ADRA2B: variants seen among roughly 807,000 people sequenced by gnomAD.
The protein encoded by ADRA2B is adrenoceptor alpha 2B, also known as alpha-2B adrenergic receptor.
Under a neutral mutation model 14.4 loss-of-function variants are expected in ADRA2B, and 14 were observed. The ratio of observed to expected loss-of-function variants is 0.97; its 90% confidence interval spans 0.64 to 1.52. The LOEUF (loss-of-function observed/expected upper bound fraction) is 1.52, where lower values mean the gene tolerates loss of function less well. ADRA2B is among the 40% of genes most tolerant of loss of function. The pLI, the probability that ADRA2B is intolerant of heterozygous loss-of-function variation, is 0.00. For synonymous variants in ADRA2B, 250 were observed against 263.7 expected (o/e 0.95, Z 0.50); for missense variants, 606 against 603.2 (o/e 1.00, Z -0.05).
chr2:96,114,869 G>A lies in ADRA2B; in HGVS notation c.1281C>T (p.Thr427=). The A allele has an allele frequency of 6.2e-7, 1 of 1,613,996 alleles. No individual in the cohort carries two copies. The highest frequency in any genetic ancestry group is 8.5e-7 in the Non-Finnish European group (1 of 1,179,982). The change falls in exon 1 of 1, where the codon ACC becomes ACT. Residue 427 remains threonine (T), a synonymous_variant. Coordinates refer to ENST00000620793, the MANE Select transcript of ADRA2B (RefSeq NM_000682.7). ...CNSSLNPVIY[T]IFNQDFRRAF... is the part of the protein sequence containing the mutation. ...CACGGCGGAAGTCCTGGTTGAAGAT[G>A]GTGTAGATAACAGGGTTCAGTGAGC...
chr2:96,114,922 A>T lies in ADRA2B; in HGVS notation c.1228T>A (p.Phe410Ile). Residue 410 changes from phenylalanine to isoleucine, a missense_variant, in exon 1 of 1, where the codon TTC becomes ATC. Physicochemically the swap from Phe to Ile is conservative, Grantham distance 21. Coordinates refer to ENST00000620793, the MANE Select transcript of ADRA2B (RefSeq NM_000682.7). ...TTGCAGTAGCCGATCCAGAAGAAGA[A>T]CTGGAAGAGGCCATGGGGCACCTTG... is the stretch of plus-strand genomic sequence containing the variant. ...HCKVPHGLFQ[F>I]FFWIGYCNSS... The T allele has an allele frequency of 2.5e-6, 4 of 1,613,982 alleles. No homozygotes were observed. Among genetic ancestry groups the T allele is most frequent in the Non-Finnish European group, 3.4e-6 (4 of 1,179,938 alleles).
At position 96,115,077 on chromosome 2, in the gene ADRA2B, C is replaced by G. The variant is rs200889434; in HGVS notation, c.1073G>C (p.Arg358Pro). The G allele has an allele frequency of 1.9e-6, 3 of 1,612,886 alleles. No individual in the cohort carries two copies. In the South Asian group the frequency reaches 3.3e-5, roughly 18 times the overall value. ...CTCCCGGGTCAGCTGCGCCCGTCGACGCCACCACTGCCCACCTATAGCACC... is the reference window on the plus strand; with the variant it reads ...CTCCCGGGTCAGCTGCGCCCGTCGAGGCCACCACTGCCCACCTATAGCACC... ...GVGAIGGQWW[R>P]RRAQLTREKR... Residue 358 changes from arginine to proline, a missense_variant, in exon 1 of 1, where the codon CGT becomes CCT. By Grantham distance (103) the Arg-to-Pro change is moderately radical. Transcript: ENST00000620793.
In ADRA2B at chr2:96,116,187, C is replaced by T. The variant is rs1311579837; in HGVS notation, c.-38G>A. 6.5e-7 allele frequency: 1 copy of T among 1,548,874 alleles called. No individual in the cohort carries two copies. The highest frequency in any genetic ancestry group is 1.2e-5 in the South Asian group (1 of 86,594). On this transcript the variant is annotated 5_prime_UTR_variant, in exon 1 of 1. Coordinates refer to ENST00000620793, the MANE Select transcript of ADRA2B (RefSeq NM_000682.7). ...GGTGGGCAGAGGGAGCGCTGCCCGCCCAGTGCGCACCGTGGACGACAGCGC... is the reference window on the plus strand; with the variant it reads ...GGTGGGCAGAGGGAGCGCTGCCCGCTCAGTGCGCACCGTGGACGACAGCGC...
Position 96,114,499 on chromosome 2 carries a change from GCT to G in ADRA2B, c.*296_*297del. ...GAGCATGGGGCTCTGGGAAGAAAGT[GCT>G]CTCTCTTCTCCTGGTCTTGGCTATG... On this transcript the variant is annotated 3_prime_UTR_variant, in exon 1 of 1. Transcript: ENST00000620793. 1 of 1,216,192 alleles carries G rather than the reference GCT, an allele frequency of 8.2e-7. No individual in the cohort carries two copies. Among genetic ancestry groups the G allele is most frequent in the East Asian group, 3.9e-5 (1 of 25,444 alleles). The allele number at this position is 1,216,192 out of a possible 1,614,324, so 75.3% of individuals were successfully genotyped here.
rs774257070 is a variant in ADRA2B, at chr2:96,114,959, G to A, written c.1191C>T (p.Cys397=). ...FFFSYSLGAI[C]PKHCKVPHGL... ...CATGGGGCACCTTGCAGTGCTTCGG[G>A]CAGATGGCTCCCAGGCTGTAGCTGA... Residue 397 remains cysteine, a synonymous_variant, in exon 1 of 1, where the codon TGC becomes TGT. Transcript: ENST00000620793. 20 of 1,613,364 alleles carry A rather than the reference G, an allele frequency of 1.2e-5. No individual in the cohort carries two copies. The highest frequency in any genetic ancestry group is 1.2e-4 in the Admixed American group (7 of 59,896).
chr2:96,114,934 C>T lies in ADRA2B; in HGVS notation c.1216G>A (p.Gly406Ser). ...ICPKHCKVPH[G>S]LFQFFFWIGY... ...ATCCAGAAGAAGAACTGGAAGAGGC[C>T]ATGGGGCACCTTGCAGTGCTTCGGG... The change falls in exon 1 of 1, where the codon GGC (glycine) becomes AGC (serine). Residue 406 changes from glycine to serine, a missense_variant. Transcript: ENST00000620793. 2 of 1,613,798 alleles carry T rather than the reference C, an allele frequency of 1.2e-6. No homozygotes were observed. Among genetic ancestry groups the T allele is most frequent in the Non-Finnish European group, 1.7e-6 (2 of 1,179,812 alleles).
chr2:96,115,453 T>C lies in ADRA2B; in HGVS notation c.697A>G (p.Lys233Glu). The change falls in exon 1 of 1, where the codon AAA (lysine) becomes GAA (glutamate). Residue 233 changes from lysine (K) to glutamate (E), a missense_variant. By Grantham distance (56) the Lys-to-Glu change is moderately conservative (BLOSUM62 1). Transcript: ENST00000620793. ...GCCACAGAGGCCAGGGCTGGCAGTT[T>C]GGCTGAGGCCAAAGCCCCACCATGG... ...PDHGGALASA[K>E]LPALASVASA... 6.2e-7 allele frequency: 1 copy of C among 1,613,022 alleles called. No individual in the cohort carries two copies. The highest frequency in any genetic ancestry group is 1.1e-5 in the South Asian group (1 of 91,070).
chr2:96,115,569 C>T lies in ADRA2B; in HGVS notation c.581G>A (p.Arg194His), dbSNP rs763732824. 6.2e-7 allele frequency: 1 copy of T among 1,613,888 alleles called. No homozygotes were observed. The highest frequency in any genetic ancestry group is 1.1e-5 in the South Asian group (1 of 91,088). Reference protein sequence around the residue: ...PCLIMILVYLRIYLIAKRSNR... With the variant: ...PCLIMILVYLHIYLIAKRSNR... ...GCTGCGTTTGGCGATCAGGTAGATG[C>T]GCAGGTAGACAAGGATCATGATGAG... Residue 194 changes from arginine to histidine, a missense_variant, in exon 1 of 1, where the codon CGC becomes CAC. Coordinates refer to ENST00000620793, the MANE Select transcript of ADRA2B (RefSeq NM_000682.7).
At position 96,116,208 on chromosome 2, in the gene ADRA2B, A is replaced by G; in HGVS notation, c.-59T>C. On this transcript the variant is annotated 5_prime_UTR_variant, in exon 1 of 1. Transcript: ENST00000620793. ...CCGCCCAGTGCGCACCGTGGACGAC[A>G]GCGCTGCCCGGCTCGGCTAGACAAG... is the stretch of plus-strand genomic sequence containing the variant. 6.8e-7 allele frequency: 1 copy of G among 1,464,664 alleles called. No homozygotes were observed. The allele number at this position is 1,464,664 out of a possible 1,614,324, so 90.7% of individuals were successfully genotyped here.
rs1025047662 is a variant in ADRA2B at position 96,115,133 on chromosome 2, T to C, written c.1017A>G (p.Leu339=). 3 of 1,603,940 alleles carry C rather than the reference T, an allele frequency of 1.9e-6. No homozygotes were observed. The Admixed American group carries it at 5.2e-5, about 28-fold the overall frequency. Reference sequence around the variant, plus strand: ...CCCTGCCCAGGAGCACCTGGCCACGTAGGGTGGCCAGCACCCGGGAGCCCT... The same window carrying C: ...CCCTGCCCAGGAGCACCTGGCCACGCAGGGTGGCCAGCACCCGGGAGCCCT... ...QPQGSRVLAT[L]RGQVLLGRGV... Residue 339 remains leucine, a synonymous_variant, in exon 1 of 1, where the codon CTA becomes CTG. Transcript: ENST00000620793.
In ADRA2B at chr2:96,113,924, T is replaced by C; in HGVS notation, c.*873A>G. The C allele has an allele frequency of 1.0e-6, 1 of 985,878 alleles. No homozygotes were observed. The highest frequency in any genetic ancestry group is 1.2e-6 in the Non-Finnish European group (1 of 829,934). The allele number at this position is 985,878 out of a possible 1,614,324, so 61.1% of individuals were successfully genotyped here. A position where few individuals can be genotyped will look rare whatever the true frequency, so the allele number is the denominator to read the frequency against. On this transcript the variant is annotated 3_prime_UTR_variant, in exon 1 of 1. Transcript: ENST00000620793. Reference sequence around the variant, plus strand: ...GAGGAAAGGGATTTTTATATCACCATATAATCACATTTTTGGTTCTCTAGT... The same window carrying C: ...GAGGAAAGGGATTTTTATATCACCACATAATCACATTTTTGGTTCTCTAGT...
At position 96,116,212 on chromosome 2, in the gene ADRA2B, C is replaced by G; in HGVS notation, c.-63G>C. ...CCAGTGCGCACCGTGGACGACAGCG[C>G]TGCCCGGCTCGGCTAGACAAGAGCG... is the stretch of plus-strand genomic sequence containing the variant. On this transcript the variant is annotated 5_prime_UTR_variant, in exon 1 of 1. Transcript: ENST00000620793. 6.9e-7 allele frequency: 1 copy of G among 1,443,082 alleles called. No homozygotes were observed. The highest frequency in any genetic ancestry group is 9.6e-7 in the Non-Finnish European group (1 of 1,045,958). 89.4% of individuals were successfully genotyped at this position (1,443,082 alleles called of 1,614,324 possible). A position where few individuals can be genotyped will look rare whatever the true frequency, so the allele number is the denominator to read the frequency against.
Position 96,114,642 on chromosome 2 carries a change from C to A in ADRA2B, c.*155G>T. 2 of 1,430,032 alleles carry A rather than the reference C, an allele frequency of 1.4e-6. No individual in the cohort carries two copies. The highest frequency in any genetic ancestry group is 1.8e-6 in the Non-Finnish European group (2 of 1,097,192). 88.6% of individuals were successfully genotyped at this position (1,430,032 alleles called of 1,614,324 possible). ...TCACTGGGACCCTTGCTAGCAGCCC[C>A]CCTGCCCACCCCTCCCAAGGGGTTC... On this transcript the variant is annotated 3_prime_UTR_variant, in exon 1 of 1. Transcript: ENST00000620793.
At position 96,114,901 on chromosome 2, in the gene ADRA2B, A is replaced by C. The variant is rs1295105394; in HGVS notation, c.1249T>G (p.Cys417Gly). 1 of 1,613,780 alleles carries C rather than the reference A, an allele frequency of 6.2e-7. No homozygotes were observed. Among genetic ancestry groups the C allele is most frequent in the East Asian group, 2.2e-5 (1 of 44,886 alleles). The change falls in exon 1 of 1, where the codon TGC becomes GGC. Residue 417 changes from cysteine to glycine, a missense_variant. By Grantham distance (159) the Cys-to-Gly change is radical. Coordinates refer to ENST00000620793, the MANE Select transcript of ADRA2B (RefSeq NM_000682.7). The part of the protein sequence containing the change: ...LFQFFFWIGY[C>G]NSSLNPVIYT... ...ATAACAGGGTTCAGTGAGCTGTTGC[A>C]GTAGCCGATCCAGAAGAAGAACTGG...
In ADRA2B at chr2:96,112,973, CTGGGGGTCCCA is replaced by C. The variant is rs1453690364; in HGVS notation, c.*1813_*1823del. On this transcript the variant is annotated 3_prime_UTR_variant, in exon 1 of 1. Coordinates refer to ENST00000620793, the MANE Select transcript of ADRA2B (RefSeq NM_000682.7). The stretch of plus-strand genomic sequence containing the variant: ...CAATAAGAGGTCACAGGCAAGAACA[CTGGGGGTCCCA>C]TGGGGCGCACACAAGACCGGCCAGC... The C allele has an allele frequency of 5.1e-6, 2 of 392,650 alleles. No individual in the cohort carries two copies. The highest frequency in any genetic ancestry group is 4.1e-5 in the African/African-American group (2 of 48,252). The allele number at this position is 392,650 out of a possible 1,614,324, so 24.3% of individuals were successfully genotyped here.
Position 96,115,620 on chromosome 2 carries a change from C to T in ADRA2B, c.530G>A (p.Ser177Asn). ...NQEAWYILAS[S>N]IGSFFAPCLI... Reference sequence around the variant, plus strand: ...GCAAGGAGCAAAGAAAGATCCGATGCTGGAGGCCAGGATGTACCAGGCCTC... The same window carrying T: ...GCAAGGAGCAAAGAAAGATCCGATGTTGGAGGCCAGGATGTACCAGGCCTC... Residue 177 changes from serine (S) to asparagine (N), a missense_variant, in exon 1 of 1, where the codon AGC (serine) becomes AAC (asparagine). Coordinates refer to ENST00000620793, the MANE Select transcript of ADRA2B (RefSeq NM_000682.7). The T allele has an allele frequency of 3.1e-6, 5 of 1,613,898 alleles. No homozygotes were observed. The highest frequency in any genetic ancestry group is 4.2e-6 in the Non-Finnish European group (5 of 1,179,892).
chr2:96,116,085 A>C lies in ADRA2B; in HGVS notation c.65T>G (p.Leu22Arg). 1 of 1,612,546 alleles carries C rather than the reference A, an allele frequency of 6.2e-7. No individual in the cohort carries two copies. Among genetic ancestry groups the C allele is most frequent in the Non-Finnish European group, 8.5e-7 (1 of 1,179,562 alleles). The change falls in exon 1 of 1, where the codon CTC becomes CGC. Residue 22 changes from leucine (L) to arginine (R), a missense_variant. Coordinates refer to ENST00000620793, the MANE Select transcript of ADRA2B (RefSeq NM_000682.7). ...GTTGCCGAAGATGGTAAAGAGAATG[A>C]GGAAGGTGATGGCCGCCGCTATGGC... ...TAAIAAAITF[L>R]ILFTIFGNAL... is the part of the protein sequence containing the mutation.
At position 96,115,770 on chromosome 2, in the gene ADRA2B, C is replaced by T. The variant is rs1441656343; in HGVS notation, c.380G>A (p.Arg127His). The change falls in exon 1 of 1, where the codon CGC becomes CAC. Residue 127 changes from arginine to histidine, a missense_variant. Arg to His is a conservative substitution (Grantham distance 29). Coordinates refer to ENST00000620793, the MANE Select transcript of ADRA2B (RefSeq NM_000682.7). ...AGTGAGGATGATGCACTTGATGCGG[C>T]GCGGGGTGCGCTTGGAGTTGTACTC... ...ALEYNSKRTPRRIKCIILTVW... is the reference protein window; with the variant it reads ...ALEYNSKRTPHRIKCIILTVW... 1 of 1,612,940 alleles carries T rather than the reference C, an allele frequency of 6.2e-7. No homozygotes were observed. Among genetic ancestry groups the T allele is most frequent in the South Asian group, 1.1e-5 (1 of 91,026 alleles).
At position 96,115,822 on chromosome 2, in the gene ADRA2B, G is replaced by T; in HGVS notation, c.328C>A (p.Arg110Ser). 1 of 1,613,396 alleles carries T rather than the reference G, an allele frequency of 6.2e-7. No homozygotes were observed. The highest frequency in any genetic ancestry group is 8.5e-7 in the Non-Finnish European group (1 of 1,179,740). Reference protein sequence around the residue: ...IVHLCAISLDRYWAVSRALEY... With the variant: ...IVHLCAISLDSYWAVSRALEY... Reference sequence around the variant, plus strand: ...AGCGCGCGGCTCACGGCCCAGTAGCGGTCCAGGCTGATGGCGCACAGGTGC... The same window carrying T: ...AGCGCGCGGCTCACGGCCCAGTAGCTGTCCAGGCTGATGGCGCACAGGTGC... Residue 110 changes from arginine (R) to serine (S), a missense_variant, in exon 1 of 1, where the codon CGC becomes AGC. Physicochemically the swap from Arg to Ser is moderately radical, Grantham distance 110. Transcript: ENST00000620793.
Sources: gnomAD v4.1 joint callset for allele counts on GRCh38, gnomAD v4.1.1 for gene constraint, MANE v1.5 for transcripts, NCBI Gene and HGNC (gene_info 2026-07-23, HGNC 2026-07-21) for gene names.